Variants in STAT4 observed in about 807,000 individuals in gnomAD.
The protein encoded by STAT4 is signal transducer and activator of transcription 4.
Under a neutral mutation model 110.5 loss-of-function variants are expected in STAT4, and 42 were observed. The ratio of observed to expected loss-of-function variants is 0.38; its 90% CI spans 0.30 to 0.49. STAT4 has a LOEUF of 0.49. STAT4 is among the 20% of genes least tolerant of loss of function. The pLI is 0.95. For missense variants in STAT4, 632 were observed against 887.9 expected (o/e 0.71, Z 3.66); for synonymous variants, 284 against 302.2 (o/e 0.94, Z 0.63).
chr2:191,087,132 A>C (rs955384814), intron 3 of STAT4, among the ~76,000 whole-genome samples: 3 of 152,176 alleles, frequency 2.0e-5, no homozygotes, highest in Non-Finnish European at 2.9e-5. Flanking sequence ...AATGTGACAC[A>C]ACTGTTTAAC....
At position 191,047,958 on chromosome 2, in the gene STAT4, G is replaced by A. The variant is rs116521673; in HGVS notation, c.1251+6532C>T. The stretch of plus-strand genomic sequence containing the variant: ...TGGGATTACAGGCATGAGCCAACAC[G>A]CCTGGTCTATAGTTTAATTTCTATG... On this transcript the variant is annotated intron_variant, in intron 14 of 23. Transcript: ENST00000392320. 6.5e-3 allele frequency among the ~76,000 whole-genome samples: 995 copies of A among 152,274 alleles called. 15 individuals carry two copies. The highest frequency in any genetic ancestry group is 0.022 in the African/African-American group (932 of 41,554).
rs1699165533 is a variant in STAT4, at chr2:191,135,895, A to G, written c.273+10718T>C. Among the ~76,000 whole-genome samples the G allele has an allele frequency of 6.6e-6, 1 of 151,974 alleles. No homozygotes were observed. Among genetic ancestry groups the G allele is most frequent in the Admixed American group, 6.6e-5 (1 of 15,242 alleles). ...ATGCCAGCACTACCCTGGTACCAAA[A>G]CCAGACAAGGACACAACACAAAGAG... On this transcript the variant is annotated intron_variant, in intron 3 of 23. Coordinates refer to ENST00000392320, the MANE Select transcript of STAT4 (RefSeq NM_003151.4). The surrounding 1 kb of genome is among the most constrained non-coding windows in gnomAD (Gnocchi z 4.8).
intron 14 of STAT4, among the ~76,000 whole-genome samples, chr2:191,048,680 G>A (rs1696423385): frequency 6.7e-6 from 1 of 149,192 alleles, no homozygotes. Flanking sequence ...CAGCTACTCA[G>A]GAGGCTGAGG....
Position 191,053,578 on chromosome 2 carries a change from C to G in STAT4, c.1251+912G>C, listed in dbSNP as rs1345757058. ...GACTGCATCAGTTTGTTCTTTCATTCAATTTGTCTAGTGAAATGCAAACAT... is the reference window on the plus strand; with the variant it reads ...GACTGCATCAGTTTGTTCTTTCATTGAATTTGTCTAGTGAAATGCAAACAT... On this transcript the variant is annotated intron_variant, in intron 14 of 23. Coordinates refer to ENST00000392320, the MANE Select transcript of STAT4 (RefSeq NM_003151.4). This position sits in a 1 kb window ranked among gnomAD's most constrained non-coding sequence, Gnocchi z 4.5. Among the ~76,000 whole-genome samples, 1 of 152,178 alleles carries G rather than the reference C, an allele frequency of 6.6e-6. No homozygotes were observed. The highest frequency in any genetic ancestry group is 1.5e-5 in the Non-Finnish European group (1 of 68,028).
Position 191,138,713 on chromosome 2 carries a change from T to C in STAT4, c.273+7900A>G, listed in dbSNP as rs1323314667. The stretch of plus-strand genomic sequence containing the variant: ...ATTGGTACCAGTCCCACTGAAACTA[T>C]TGCAAAAGATAGTGAAAGAGGGAAT... On this transcript the variant is annotated intron_variant, in intron 3 of 23. Coordinates refer to ENST00000392320, the MANE Select transcript of STAT4 (RefSeq NM_003151.4). The surrounding 1 kb of genome is among the most constrained non-coding windows in gnomAD (Gnocchi z 4.3). Among the ~76,000 whole-genome samples the C allele has an allele frequency of 3.3e-5, 5 of 152,120 alleles. No homozygotes were observed. In the South Asian group the frequency reaches 6.2e-4, roughly 19 times the overall value.
chr2:191,125,150 G>A (rs925091231), intron 3 of STAT4, among the ~76,000 whole-genome samples: 1 of 152,212 alleles, frequency 6.6e-6, no homozygotes, highest in Admixed American at 6.5e-5. Context: ...AACCTGGTAA[G>A]CTGTGAAAGG....
intron 1 of STAT4, among the ~76,000 whole-genome samples, chr2:191,149,765 CCTAT>C (rs777078407): frequency 8.1e-4 from 123 of 152,268 alleles, no homozygotes; most frequent in Middle Eastern, 6.8e-3. Flanking sequence ...TCAACATTGT[CCTAT>C]CTATCAATTT....
intron 3 of STAT4, among the ~76,000 whole-genome samples, chr2:191,141,419 ATAT>A (rs1239476234): frequency 2.4e-4 from 11 of 45,368 alleles, no homozygotes; most frequent in African/African-American, 8.1e-4. Context: ...ATACATATGT[ATAT>A]CACATACATA....
intron 2 of STAT4, 54 bp downstream of exon 2, chr2:191,148,022 T>G: frequency 6.2e-7 from 1 of 1,608,998 alleles, no homozygotes; most frequent in Non-Finnish European, 8.5e-7. Flanking sequence ...TTCACATGGA[T>G]AGAGCATCAG....
intron 3 of STAT4, among the ~76,000 whole-genome samples, chr2:191,123,400 A>G (rs1168785735): frequency 6.6e-6 from 1 of 152,100 alleles, no homozygotes; most frequent in South Asian, 2.1e-4. Flanking sequence ...CTCAGCTTCC[A>G]GAGGTTTAGT....
At chr2:191,120,737 A>C (rs1050108820) in intron 3 of STAT4, among the ~76,000 whole-genome samples, 4 of 152,180 alleles carry the variant, frequency 2.6e-5, no homozygotes, top group African/African-American at 9.7e-5. Context: ...GAAAGCGGAA[A>C]CTGGATCCCT....
In STAT4 at chr2:191,150,828, G is replaced by A; in HGVS notation, c.-2+119C>T. The A allele has an allele frequency of 1.2e-6, 1 of 841,730 alleles. No individual in the cohort carries two copies. The highest frequency in any genetic ancestry group is 1.4e-6 in the Non-Finnish European group (1 of 698,938). The allele number at this position is 841,730 out of a possible 1,614,324, so 52.1% of individuals were successfully genotyped here. ...TTCCTTCTATAATAAGCCTCCTCAG[G>A]AAGGTTAAAATGAAGCAATTGTCAA... On this transcript the variant is annotated intron_variant, in intron 1 of 23. Coordinates refer to ENST00000392320, the MANE Select transcript of STAT4 (RefSeq NM_003151.4). The surrounding 1 kb of genome is among the most constrained non-coding windows in gnomAD (Gnocchi z 6.4).
At chr2:191,056,445 G>A (rs1696696018) in intron 13 of STAT4, among the ~76,000 whole-genome samples, 1 of 152,172 alleles carries the variant, frequency 6.6e-6, no homozygotes, top group Non-Finnish European at 1.5e-5. Context: ...GCTATACCAA[G>A]GAACATCCTA....
intron 14 of STAT4, among the ~76,000 whole-genome samples, chr2:191,049,674 A>G (rs1242560251): frequency 6.6e-6 from 1 of 152,214 alleles, no homozygotes; most frequent in East Asian, 1.9e-4. Flanking sequence ...TTGAGCATCT[A>G]TTATGTGCTA....
In STAT4 at chr2:191,090,269, AG is replaced by A. The variant is rs1697754554; in HGVS notation, c.274-13945del. On this transcript the variant is annotated intron_variant, in intron 3 of 23. Transcript: ENST00000392320. This position sits in a 1 kb window ranked among gnomAD's most constrained non-coding sequence, Gnocchi z 4.2. Reference sequence around the variant, plus strand: ...ATTTTCTGAAATTGTCTTACTAAAAAGTTTCAGTTCTCATATGCCCTCCTTA... The same window carrying A: ...ATTTTCTGAAATTGTCTTACTAAAAATTTCAGTTCTCATATGCCCTCCTTA... Among the ~76,000 whole-genome samples, 1 of 152,074 alleles carries A rather than the reference AG, an allele frequency of 6.6e-6. No homozygotes were observed. The highest frequency in any genetic ancestry group is 1.5e-5 in the Non-Finnish European group (1 of 68,008).
intron 13 of STAT4, among the ~76,000 whole-genome samples, chr2:191,056,568 T>C (rs1574714722): frequency 6.6e-6 from 1 of 152,210 alleles, no homozygotes; most frequent in Non-Finnish European, 1.5e-5. Flanking sequence ...TATGTGTGTG[T>C]GTGTGCCTTT....
At chr2:191,151,522 A>C, upstream of STAT4, 4 of 985,532 alleles carry the variant, frequency 4.1e-6, no homozygotes, top group Non-Finnish European at 4.8e-6. The surrounding 1 kb of genome is among the most constrained non-coding windows in gnomAD (Gnocchi z 4.7). Flanking sequence ...GGTTGGGCCA[A>C]GTCCTGGGTA....
chr2:191,070,282 A>G (rs1697108772), intron 5 of STAT4, among the ~76,000 whole-genome samples: 1 of 151,932 alleles, frequency 6.6e-6, no homozygotes, highest in South Asian at 2.1e-4. Flanking sequence ...TGAGATTTTT[A>G]CTTTACTTTT....
Position 191,076,042 on chromosome 2 carries a change from C to G in STAT4, c.372+185G>C, listed in dbSNP as rs1697308791. ...TTTTTAATTTTTTTTTTTTTGGAGA[C>G]AGGGTCTTGCTGCATTGGCCAGACT... On this transcript the variant is annotated intron_variant, in intron 4 of 23. Transcript: ENST00000392320. The G allele has an allele frequency of 8.2e-6, 4 of 489,038 alleles. No homozygotes were observed. The East Asian group carries it at 1.3e-4, about 16-fold the overall frequency. 30.3% of individuals were successfully genotyped at this position (489,038 alleles called of 1,614,324 possible). A position where few individuals can be genotyped will look rare whatever the true frequency, so the allele number is the denominator to read the frequency against.
Sources: gnomAD v4.1 joint callset for allele counts (sites outside exome capture counted in the v4.1 genomes callset) on GRCh38, gnomAD v4.1.1 for gene constraint, Gnocchi (gnomAD v3.1) non-coding constraint, MANE v1.5 for transcripts, NCBI Gene and HGNC (gene_info 2026-07-23, HGNC 2026-07-21) for gene names.